UBE2E3: variants seen among roughly 807,000 people sequenced by gnomAD.
UBE2E3 encodes ubiquitin-conjugating enzyme E2 E3.
In UBE2E3, 5 loss-of-function variants were observed where a neutral mutation model predicts 23.6. The ratio of observed to expected loss-of-function variants is 0.21; its 90% CI spans 0.11 to 0.44. The LOEUF (loss-of-function observed/expected upper bound fraction) is 0.44. Among genes scored for constraint, UBE2E3 ranks in the 20% least tolerant of loss-of-function variants. UBE2E3 has a pLI of 0.99. For synonymous variants in UBE2E3, 78 were observed against 87.5 expected, an observed-to-expected ratio of 0.89 and a Z score of 0.60; for missense variants, 81 against 249.8, an observed-to-expected ratio of 0.32 and a Z score of 4.55.
At chr2:181,043,944 G>A (rs1040320013) in intron 3 of UBE2E3, among the ~76,000 whole-genome samples, 1 of 152,072 alleles carries the variant, frequency 6.6e-6, no homozygotes, top group Non-Finnish European at 1.5e-5. Context: ...GTTATTTTGA[G>A]TTTCACTATT....
intron 3 of UBE2E3, among the ~76,000 whole-genome samples, chr2:181,032,415 T>C (rs1175026852): frequency 1.3e-5 from 2 of 152,220 alleles, no homozygotes; most frequent in African/African-American, 4.8e-5. Context: ...GTCATTTGAC[T>C]AACTTATTCA....
At chr2:181,037,837 A>G (rs950980631) in intron 3 of UBE2E3, among the ~76,000 whole-genome samples, 1 of 152,058 alleles carries the variant, frequency 6.6e-6, no homozygotes, top group Non-Finnish European at 1.5e-5. Context: ...GCATGGTGGC[A>G]TATGCCTGTA....
chr2:181,022,338 C>T (rs1170132176), intron 3 of UBE2E3, among the ~76,000 whole-genome samples: 3 of 151,628 alleles, frequency 2.0e-5, no homozygotes, highest in Non-Finnish European at 4.4e-5. Context: ...TCATTATTCT[C>T]GGTGGTGTTA....
chr2:180,987,886 T>TCCCCCAA (rs754700835), intron 3 of UBE2E3, among the ~76,000 whole-genome samples: 1 of 152,016 alleles, frequency 6.6e-6, no homozygotes, highest in Non-Finnish European at 1.5e-5. Context: ...GACTCTTGCT[T>TCCCCCAA]CCCCCAACCC....
rs750487377 is a variant in UBE2E3, at chr2:181,062,891, C to T, written c.*3C>T. On this transcript the variant is annotated 3_prime_UTR_variant, in exon 6 of 6. Transcript: ENST00000410062. ...GGACCAAGAGATACGCAACATAATTCACATAATTTGTATGCAGTGTGAAGG... is the reference window on the plus strand; with the variant it reads ...GGACCAAGAGATACGCAACATAATTTACATAATTTGTATGCAGTGTGAAGG... 6.3e-7 allele frequency: 1 copy of T among 1,590,640 alleles called. No homozygotes were observed. The highest frequency in any genetic ancestry group is 1.1e-5 in the South Asian group (1 of 88,930).
At chr2:181,026,241 A>G (rs575747214) in intron 3 of UBE2E3, among the ~76,000 whole-genome samples, 2 of 152,112 alleles carry the variant, frequency 1.3e-5, no homozygotes, top group South Asian at 4.1e-4. Flanking sequence ...TCATAGAAAC[A>G]GAAAAACCAG....
rs554960811 is a variant in UBE2E3, at chr2:181,013,980, T to A, written c.245+29887T>A. On this transcript the variant is annotated intron_variant, in intron 3 of 5. Transcript: ENST00000410062. Reference sequence around the variant, plus strand: ...GATCAGTAACATGCTTCTAATAGTCTAGGAAGGATTTGATGGTAGTGGAAG... The same window carrying A: ...GATCAGTAACATGCTTCTAATAGTCAAGGAAGGATTTGATGGTAGTGGAAG... Among the ~76,000 whole-genome samples, 3 of 152,236 alleles carry A rather than the reference T, an allele frequency of 2.0e-5. No individual in the cohort carries two copies. The South Asian group carries it at 6.2e-4, about 32-fold the overall frequency.
intron 3 of UBE2E3, among the ~76,000 whole-genome samples, chr2:181,041,232 C>CAAAAAAAAAA (rs1686488045): frequency 3.1e-5 from 1 of 31,886 alleles, no homozygotes; most frequent in Non-Finnish European, 5.8e-5. Context: ...AAGACTCCGT[C>CAAAAAAAAAA]TCAAAAAAAA....
intron 3 of UBE2E3, among the ~76,000 whole-genome samples, chr2:181,041,374 A>G (rs1242966973): frequency 6.6e-6 from 1 of 151,618 alleles, no homozygotes; most frequent in African/African-American, 2.4e-5. Context: ...TTTTATATAG[A>G]TGTCAGTATA....
At chr2:181,038,318 A>G (rs1249493916) in intron 3 of UBE2E3, among the ~76,000 whole-genome samples, 1 of 152,236 alleles carries the variant, frequency 6.6e-6, no homozygotes, top group Middle Eastern at 3.2e-3. Flanking sequence ...AATAGGCTAT[A>G]CCATATAACC....
chr2:180,991,332 AC>A (rs1684653620), intron 3 of UBE2E3, among the ~76,000 whole-genome samples: 1 of 152,172 alleles, frequency 6.6e-6, no homozygotes, highest in Non-Finnish European at 1.5e-5. Flanking sequence ...TACCTATGAT[AC>A]GTTTACATAA....
Position 180,982,211 on chromosome 2 carries a change from G to T in UBE2E3, c.169G>T (p.Ala57Ser), listed in dbSNP as rs1389090032. The change falls in exon 2 of 6, where the codon GCT becomes TCT. Residue 57 changes from alanine (A) to serine (S), a missense_variant. By Grantham distance (99) the Ala-to-Ser change is moderately conservative (BLOSUM62 1). Transcript: ENST00000410062. ...CACCAAACTCTCTAGCAAAACCACT[G>T]CTAAGTTATCCACTAGTGCTAAAAG... ...KNTKLSSKTT[A>S]KLSTSAKRIQ... 6.2e-7 allele frequency: 1 copy of T among 1,611,680 alleles called. No individual in the cohort carries two copies. Among genetic ancestry groups the T allele is most frequent in the African/African-American group, 1.3e-5 (1 of 74,700 alleles).
intron 3 of UBE2E3, among the ~76,000 whole-genome samples, chr2:181,042,705 T>C (rs899905095): frequency 2.0e-5 from 3 of 152,178 alleles, no homozygotes; most frequent in South Asian, 2.1e-4. Flanking sequence ...CTAAATGATA[T>C]CTAAAGACCT....
chr2:181,062,618 A>G (rs1462471518), intron 5 of UBE2E3, among the ~76,000 whole-genome samples, 173 bp from the exon 6 acceptor site: 2 of 151,650 alleles, frequency 1.3e-5, no homozygotes, highest in African/African-American at 2.4e-5. Flanking sequence ...TCCTAACTGG[A>G]ATATTAAAAT....
intron 3 of UBE2E3, among the ~76,000 whole-genome samples, chr2:181,035,433 T>C: frequency 1.3e-5 from 2 of 152,246 alleles, no homozygotes; most frequent in South Asian, 2.1e-4. Flanking sequence ...ACTTTTTAAA[T>C]AGTAATAACT....
At chr2:181,059,045 A>G (rs776119511) in intron 4 of UBE2E3, among the ~76,000 whole-genome samples, 20 of 151,772 alleles carry the variant, frequency 1.3e-4, no homozygotes, top group Non-Finnish European at 2.4e-4. Flanking sequence ...AGTACTGTAT[A>G]TGATTTGCCG....
At chr2:181,056,542 G>T (rs13429008) in intron 3 of UBE2E3, among the ~76,000 whole-genome samples, 6,491 of 151,730 alleles carry the variant, frequency 0.043, 210 homozygotes, top group African/African-American at 0.086. Flanking sequence ...GAGTTCTCTT[G>T]GGAACTAATT....
intron 3 of UBE2E3, among the ~76,000 whole-genome samples, chr2:181,031,479 G>C (rs1326326171): frequency 2.0e-5 from 3 of 151,630 alleles, no homozygotes; most frequent in Non-Finnish European, 4.4e-5. Context: ...TTGTTTTTTT[G>C]TCATTTTAAA....
At chr2:180,991,817 G>C (rs889436468) in intron 3 of UBE2E3, among the ~76,000 whole-genome samples, 3 of 141,974 alleles carry the variant, frequency 2.1e-5, no homozygotes, top group Non-Finnish European at 4.8e-5. Flanking sequence ...TATGATTCAA[G>C]CCCAAGTGGA....
Sources: allele counts gnomAD v4.1 joint callset (sites outside exome capture counted in the v4.1 genomes callset), GRCh38; gene constraint gnomAD v4.1.1; transcripts MANE v1.5; gene names NCBI Gene and HGNC (gene_info 2026-07-23, HGNC 2026-07-21).